BACH2: variants seen among roughly 807,000 people sequenced by gnomAD.
The protein encoded by BACH2 is BACH transcriptional regulator 2.
BACH2 carries 5 observed loss-of-function variants against 61.8 expected under a neutral mutation model. The ratio of observed to expected loss-of-function variants is 0.08; its 90% CI spans 0.04 to 0.17. The LOEUF is 0.17. Among genes scored for constraint, BACH2 ranks in the 10% least tolerant of loss-of-function variants. The pLI is 1.00. For synonymous variants in BACH2, 446 were observed against 440.1 expected (o/e 1.01, Z -0.17); for missense variants, 824 against 1,091.1 (o/e 0.76, Z 3.45).
chr6:89,958,431 G>A (rs1348112579), intron 6 of BACH2, among the ~76,000 whole-genome samples: 1 of 119,122 alleles, frequency 8.4e-6, no homozygotes, highest in Non-Finnish European at 1.9e-5. Context: ...CTGTGCTTTA[G>A]TTTCTCTATG....
chr6:89,962,853 C>A (rs1425429641), intron 6 of BACH2, among the ~76,000 whole-genome samples: 1 of 151,958 alleles, frequency 6.6e-6, no homozygotes, highest in Admixed American at 6.5e-5. Context: ...GAAACAAAAG[C>A]AAAAATGAAC....
intron 5 of BACH2, among the ~76,000 whole-genome samples, chr6:90,038,077 T>A (rs2127790113): frequency 6.6e-6 from 1 of 152,352 alleles, no homozygotes; most frequent in East Asian, 1.9e-4. Flanking sequence ...AGGCAATACA[T>A]TTCTGTTGTA....
At chr6:89,965,436 T>C (rs1375981515) in intron 6 of BACH2, among the ~76,000 whole-genome samples, 1 of 152,226 alleles carries the variant, frequency 6.6e-6, no homozygotes, top group Non-Finnish European at 1.5e-5. Flanking sequence ...CCAAATATTT[T>C]ACTTTCCTAC....
At chr6:90,240,560 T>C (rs1452900971) in intron 3 of BACH2, among the ~76,000 whole-genome samples, 4 of 152,210 alleles carry the variant, frequency 2.6e-5, no homozygotes, top group Admixed American at 6.5e-5. Flanking sequence ...CCCACTATAA[T>C]GGGAATTCTT....
chr6:90,254,902 C>T (rs1394261525), intron 2 of BACH2, among the ~76,000 whole-genome samples: 2 of 152,152 alleles, frequency 1.3e-5, no homozygotes, highest in African/African-American at 4.8e-5. Context: ...ATAACTTATA[C>T]TCCCTACAAC....
chr6:90,287,676 G>C (rs1307541631), intron 1 of BACH2, among the ~76,000 whole-genome samples: 1 of 152,144 alleles, frequency 6.6e-6, no homozygotes, highest in East Asian at 1.9e-4. Context: ...GCCTAGGGTT[G>C]TGTTTATTTA....
chr6:90,143,126 C>G (rs1015645924), intron 4 of BACH2, among the ~76,000 whole-genome samples: 1 of 152,100 alleles, frequency 6.6e-6, no homozygotes, highest in African/African-American at 2.4e-5. Context: ...CTGGAGGGAA[C>G]GAGACAGTGA....
intron 1 of BACH2, among the ~76,000 whole-genome samples, chr6:90,276,366 C>T (rs1771691447): frequency 6.6e-6 from 1 of 152,190 alleles, no homozygotes; most frequent in Admixed American, 6.5e-5. Context: ...TCTGCCTAGT[C>T]TGCTTAAGAT....
At position 89,951,278 on chromosome 6, in the gene BACH2, T is replaced by A; in HGVS notation, c.828A>T (p.Lys276Asn). 4 of 1,614,200 alleles carry A rather than the reference T, an allele frequency of 2.5e-6. No homozygotes were observed. The highest frequency in any genetic ancestry group is 3.4e-6 in the Non-Finnish European group (4 of 1,180,042). The change falls in exon 7 of 9, where the codon AAA becomes AAT. Residue 276 changes from lysine to asparagine, a missense_variant. This residue lies in a region of BACH2 where 226 missense variants were observed against 228.5 expected (regional missense o/e 0.99). Transcript: ENST00000257749. This position sits in a 1 kb window ranked among gnomAD's most constrained non-coding sequence, Gnocchi z 6.4. ...CATTCTCTTCACTGGGCGGCTCACT[T>A]TTAATCTGCCCCCTGGCAAGCCCCG... ...LKPGLARGQIKSEPPSEENEE... is the reference protein window; with the variant it reads ...LKPGLARGQINSEPPSEENEE...
At chr6:90,164,246 C>A (rs1239259373) in intron 4 of BACH2, among the ~76,000 whole-genome samples, 1 of 152,162 alleles carries the variant, frequency 6.6e-6, no homozygotes, top group East Asian at 1.9e-4. Context: ...CCACTGATCC[C>A]ACAGAAATAC....
chr6:90,125,880 C>CCA (rs1202930553), intron 4 of BACH2, among the ~76,000 whole-genome samples: 1 of 152,236 alleles, frequency 6.6e-6, no homozygotes, highest in African/African-American at 2.4e-5. Context: ...CCCACCTCAT[C>CCA]CACCCCTGCC....
chr6:90,106,989 G>C (rs1782949959), intron 4 of BACH2, among the ~76,000 whole-genome samples: 1 of 152,118 alleles, frequency 6.6e-6, no homozygotes, highest in African/African-American at 2.4e-5. Flanking sequence ...AATGTTATTT[G>C]ACATGGTTTC....
intron 5 of BACH2, among the ~76,000 whole-genome samples, chr6:90,032,574 G>A (rs1355744654): frequency 6.7e-6 from 1 of 149,994 alleles, no homozygotes; most frequent in Non-Finnish European, 1.5e-5. Flanking sequence ...CTCAAAAGAA[G>A]ACATTTATGC....
At position 90,154,639 on chromosome 6, in the gene BACH2, C is replaced by T. The variant is rs925736466; in HGVS notation, c.-162+51930G>A. On this transcript the variant is annotated intron_variant, in intron 4 of 8. Transcript: ENST00000257749. ...TCTCTAAGCGCCCCAGCCTTGCTCC[C>T]AAGGAGCACTGCACCTTCTGAATCT... Among the ~76,000 whole-genome samples the T allele has an allele frequency of 2.0e-5, 3 of 152,140 alleles. No individual in the cohort carries two copies. In the East Asian group the frequency reaches 5.8e-4, roughly 29 times the overall value.
intron 3 of BACH2, among the ~76,000 whole-genome samples, chr6:90,245,859 A>G (rs1195604081): frequency 1.3e-5 from 2 of 152,244 alleles, no homozygotes; most frequent in Non-Finnish European, 2.9e-5. Flanking sequence ...AAAATTGGAC[A>G]AAAATCTATG....
chr6:90,175,714 A>G (rs940638337), intron 4 of BACH2, among the ~76,000 whole-genome samples: 1 of 152,140 alleles, frequency 6.6e-6, no homozygotes, highest in Admixed American at 6.6e-5. Context: ...ATGTTTTGAC[A>G]TCTTAAAACT....
At chr6:90,083,489 T>TA (rs1210588406) in intron 5 of BACH2, among the ~76,000 whole-genome samples, 1 of 152,180 alleles carries the variant, frequency 6.6e-6, no homozygotes, top group African/African-American at 2.4e-5. Context: ...AATGGAATAT[T>TA]ACAAATAATC....
chr6:90,103,109 C>A (rs755256278), intron 4 of BACH2, among the ~76,000 whole-genome samples: 1 of 142,994 alleles, frequency 7.0e-6, no homozygotes. Context: ...ATTCAGAGAC[C>A]TACTTTGCAT....
intron 2 of BACH2, among the ~76,000 whole-genome samples, chr6:90,267,108 TC>T (rs1179015334): frequency 6.6e-6 from 1 of 151,316 alleles, no homozygotes; most frequent in Non-Finnish European, 1.5e-5. Flanking sequence ...CTAAGACATC[TC>T]CCCCCCACCA....
Sources: allele counts gnomAD v4.1 joint callset (sites outside exome capture counted in the v4.1 genomes callset), GRCh38; gene constraint gnomAD v4.1.1; regional missense constraint gnomAD v4.1.1; non-coding constraint Gnocchi (gnomAD v3.1); transcripts MANE v1.5; gene names NCBI Gene and HGNC (gene_info 2026-07-23, HGNC 2026-07-21).